Variants in CDK13 observed in about 807,000 individuals in gnomAD.
CDK13 encodes cyclin dependent kinase 13, also known as cyclin-dependent kinase 13.
CDK13 carries 40 observed loss-of-function variants against 137.6 expected under a neutral mutation model. The observed-to-expected ratio is 0.29, with a 90% CI of 0.23 to 0.38. The LOEUF is 0.38. Ranked by LOEUF, CDK13 falls within the 10% of genes least tolerant of loss-of-function variation. The probability of loss-of-function intolerance (pLI) is 1.00; values close to 1 mark genes in which losing one functional copy is unlikely to be tolerated. For synonymous variants in CDK13, 869 were observed against 760.1 expected (o/e 1.14, Z -2.36); for missense variants, 1,704 against 1,951.8 (o/e 0.87, Z 2.39).
intron 5 of CDK13, among the ~76,000 whole-genome samples, chr7:40,008,003 G>T (rs1471477684): frequency 6.6e-6 from 1 of 152,162 alleles, no homozygotes; most frequent in African/African-American, 2.4e-5. Context: ...TGAAAGATCG[G>T]CATATCTCCT....
Position 39,999,385 on chromosome 7 carries a change from A to C in CDK13, c.2067A>C (p.Glu689Asp), listed in dbSNP as rs1784635599. ...RPKICGPRYGETKEKDIDWGK... is the reference protein window; with the variant it reads ...RPKICGPRYGDTKEKDIDWGK... ...GAATATGTGGGCCTCGCTATGGTGA[A>C]ACCAAAGAAAAAGATATTGACTGGG... Residue 689 changes from glutamate (E) to aspartate (D), a missense_variant, in exon 4 of 14, where the codon GAA becomes GAC. Glu to Asp is a conservative substitution (Grantham distance 45). Around this residue, in one of 5 missense-constraint regions of CDK13, gnomAD observed 130 missense variants for 362.4 expected, o/e 0.36. Transcript: ENST00000181839. The C allele has an allele frequency of 6.2e-7, 1 of 1,612,238 alleles. No individual in the cohort carries two copies.
At chr7:40,087,952 C>T (rs913613399) in intron 11 of CDK13, among the ~76,000 whole-genome samples, 174 bp from the exon 12 acceptor site, 3 of 151,516 alleles carry the variant, frequency 2.0e-5, no homozygotes, top group Non-Finnish European at 4.4e-5. Flanking sequence ...CAAAGCAAGC[C>T]CTGAAGGAAG....
chr7:40,021,106 T>TACACACACACACAC (rs778814352), intron 5 of CDK13, among the ~76,000 whole-genome samples: 684 of 65,234 alleles, frequency 0.01, 15 homozygotes, highest in Non-Finnish European at 0.014. Context: ...AACAAACGTA[T>TACACACACACACAC]ATATATATAT....
chr7:40,056,018 G>A (rs1365854630), intron 7 of CDK13, among the ~76,000 whole-genome samples: 1 of 152,076 alleles, frequency 6.6e-6, no homozygotes, highest in Non-Finnish European at 1.5e-5. Flanking sequence ...ATTTGTAAAC[G>A]GTTAACGGGA....
At position 40,098,168 on chromosome 7, in the gene CDK13, A is replaced by T. The variant is rs148453462; in HGVS notation, c.*3188A>T. 7 of 152,266 alleles carry T rather than the reference A, an allele frequency of 4.6e-5. No homozygotes were observed. Among genetic ancestry groups the T allele is most frequent in the Non-Finnish European group, 1.0e-4 (7 of 67,984 alleles). 9.4% of individuals were successfully genotyped at this position (152,266 alleles called of 1,614,324 possible). On this transcript the variant is annotated 3_prime_UTR_variant, in exon 14 of 14. Transcript: ENST00000181839. ...ATCAAACAACTGGAATAGCTGTTTG[A>T]TATCACTTAAAAGTGATAAAATTTT...
In CDK13 at chr7:40,094,283, A is replaced by T; in HGVS notation, c.3842A>T (p.Asn1281Ile). 6.2e-7 allele frequency: 1 copy of T among 1,612,352 alleles called. No individual in the cohort carries two copies. Reference protein sequence around the residue: ...TEEDLDYRTENQHVPTTSSSL... With the variant: ...TEEDLDYRTEIQHVPTTSSSL... ...GAAGATCTAGATTATCGGACAGAAA[A>T]CCAGCATGTACCCACCACCAGTTCT... Residue 1281 changes from asparagine to isoleucine, a missense_variant, in exon 14 of 14, where the codon AAC becomes ATC. Coordinates refer to ENST00000181839, the MANE Select transcript of CDK13 (RefSeq NM_003718.5).
chr7:39,965,006 T>C (rs1356314607), intron 1 of CDK13, among the ~76,000 whole-genome samples: 1 of 152,218 alleles, frequency 6.6e-6, no homozygotes, highest in African/African-American at 2.4e-5. Context: ...TTATAATTTC[T>C]GTTCTTTTAC....
intron 7 of CDK13, chr7:40,061,811 T>A (rs1786155027): frequency 6.6e-6 from 1 of 152,226 alleles, no homozygotes; most frequent in Non-Finnish European, 1.5e-5. Flanking sequence ...CACTTTACAT[T>A]GCCAGATAAT....
chr7:39,999,552 T>G, intron 4 of CDK13, 52 bp downstream of exon 4: 1 of 1,517,094 alleles, frequency 6.6e-7, no homozygotes, highest in Non-Finnish European at 8.9e-7. Flanking sequence ...GTACTTAGTT[T>G]GTGTTTCTCT....
At position 40,002,179 on chromosome 7, in the gene CDK13, A is replaced by G. The variant is rs1583973245; in HGVS notation, c.2353+148A>G. The G allele has an allele frequency of 1.5e-5, 8 of 530,564 alleles. No homozygotes were observed. In the East Asian group the frequency reaches 2.5e-4, roughly 17 times the overall value. 32.9% of individuals were successfully genotyped at this position (530,564 alleles called of 1,614,324 possible). A position where few individuals can be genotyped will look rare whatever the true frequency, so the allele number is the denominator to read the frequency against. ...ATATTTTTAAGTTTGGTAGAGTTGA[A>G]TAATGAATTGATTTACTTTAGTGGT... is the stretch of plus-strand genomic sequence containing the variant. On this transcript the variant is annotated intron_variant, in intron 5 of 13. Transcript: ENST00000181839.
chr7:40,034,925 G>A (rs1436120818), intron 5 of CDK13, among the ~76,000 whole-genome samples: 1 of 152,122 alleles, frequency 6.6e-6, no homozygotes, highest in African/African-American at 2.4e-5. Context: ...TGTGGACATT[G>A]ACATTTACTT....
At chr7:40,089,997 A>G (rs1339620554) in intron 12 of CDK13, among the ~76,000 whole-genome samples, 3 of 152,322 alleles carry the variant, frequency 2.0e-5, no homozygotes, top group East Asian at 1.9e-4. Flanking sequence ...TCATTCAATG[A>G]ATACCAAAAG....
At chr7:40,075,092 G>A (rs901127469) in intron 9 of CDK13, among the ~76,000 whole-genome samples, 2 of 152,056 alleles carry the variant, frequency 1.3e-5, no homozygotes, top group South Asian at 2.1e-4. Flanking sequence ...AAGTAAAGAG[G>A]TGGATAGGAG....
chr7:40,001,126 T>G (rs988267528), intron 4 of CDK13, among the ~76,000 whole-genome samples: 1 of 152,174 alleles, frequency 6.6e-6, no homozygotes, highest in Non-Finnish European at 1.5e-5. Flanking sequence ...GAAATTTTTA[T>G]GCATACATAA....
At position 39,987,836 on chromosome 7, in the gene CDK13, T is replaced by C. The variant is rs1473420306; in HGVS notation, c.1449T>C (p.Ala483=). ...AAGCAACTAAGGCTGCTGAGGCTGC[T>C]GCCAAGGCTGCAAAAGCTTCAAACA... The part of the protein sequence containing the change: ...AAEATKAAEA[A]AKAAKASNTS... Residue 483 remains alanine, a synonymous_variant, in exon 2 of 14, where the codon GCT becomes GCC. Transcript: ENST00000181839. 1.9e-6 allele frequency: 3 copies of C among 1,614,174 alleles called. No individual in the cohort carries two copies. Among genetic ancestry groups the C allele is most frequent in the Non-Finnish European group, 2.5e-6 (3 of 1,180,030 alleles).
intron 7 of CDK13, among the ~76,000 whole-genome samples, chr7:40,056,233 C>A (rs1004221334): frequency 2.0e-5 from 3 of 152,100 alleles, no homozygotes; most frequent in Non-Finnish European, 4.4e-5. Context: ...AGGCATGGTA[C>A]CTATTATGCA....
intron 3 of CDK13, chr7:39,998,735 A>T (rs1434081752): frequency 6.6e-6 from 1 of 152,156 alleles, no homozygotes; most frequent in Non-Finnish European, 1.5e-5. Context: ...CTACAAAATT[A>T]TGTATCTTTT....
intron 12 of CDK13, among the ~76,000 whole-genome samples, chr7:40,089,437 CAAAAAA>C (rs67433312): frequency 8.1e-6 from 1 of 123,804 alleles, no homozygotes. Context: ...GAGACTGTCT[CAAAAAA>C]AAAAAAAAAA....
intron 2 of CDK13, among the ~76,000 whole-genome samples, chr7:39,994,090 G>A (rs1210860604): frequency 2.6e-5 from 4 of 151,826 alleles, no homozygotes; most frequent in African/African-American, 7.3e-5. Flanking sequence ...TCCCTTTTTC[G>A]AATTGATGTT....
Sources: allele counts gnomAD v4.1 joint callset (sites outside exome capture counted in the v4.1 genomes callset), GRCh38; gene constraint gnomAD v4.1.1; regional missense constraint gnomAD v4.1.1; transcripts MANE v1.5; gene names NCBI Gene and HGNC (gene_info 2026-07-23, HGNC 2026-07-21).